The following SOX5 variants were observed in gnomAD, a reference collection of about 807,000 sequenced individuals.
SOX5 encodes the protein transcription factor SOX-5.
In SOX5, 9 loss-of-function variants were observed where a neutral mutation model predicts 92.0. The observed-to-expected ratio is 0.10, with a 90% CI of 0.06 to 0.17. The LOEUF (loss-of-function observed/expected upper bound fraction) is 0.17. Ranked by LOEUF, SOX5 falls within the 10% of genes least tolerant of loss-of-function variation. SOX5 has a pLI of 1.00. For missense variants in SOX5, 642 were observed against 944.5 expected (o/e 0.68, Z 4.20); for synonymous variants, 344 against 336.3 (o/e 1.02, Z -0.25).
At chr12:24,035,520 T>A (rs1023435069) in intron 4 of SOX5, among the ~76,000 whole-genome samples, 1 of 152,030 alleles carries the variant, frequency 6.6e-6, no homozygotes, top group South Asian at 2.1e-4. Flanking sequence ...AGAAACAACA[T>A]AGAAGAAAGC....
At chr12:23,860,976 A>AAAAAAAAAAAAAAAAG (rs2096750870) in intron 2 of SOX5, among the ~76,000 whole-genome samples, 1 of 150,318 alleles carries the variant, frequency 6.7e-6, no homozygotes, top group Non-Finnish European at 1.5e-5. Flanking sequence ...AAAAAAAAAA[A>AAAAAAAAAAAAAAAAG]AACCCTGCCA....
intron 8 of SOX5, among the ~76,000 whole-genome samples, chr12:23,622,741 C>T (rs973946323): frequency 1.3e-4 from 20 of 152,080 alleles, no homozygotes; most frequent in African/African-American, 4.8e-4. Context: ...AAATACTATG[C>T]TATACCATCA....
At chr12:23,810,241 T>A (rs977799090) in intron 3 of SOX5, among the ~76,000 whole-genome samples, 3 of 152,126 alleles carry the variant, frequency 2.0e-5, no homozygotes, top group African/African-American at 7.2e-5. Context: ...CACGACAGAA[T>A]ATAGATAAGT....
At chr12:23,885,195 A>G (rs1595369742) in intron 2 of SOX5, among the ~76,000 whole-genome samples, 1 of 152,158 alleles carries the variant, frequency 6.6e-6, no homozygotes, top group South Asian at 2.1e-4. Context: ...GTGGCTGGAG[A>G]GGTGGTTTCA....
chr12:24,058,379 A>C (rs1212625512), intron 4 of SOX5, among the ~76,000 whole-genome samples: 1 of 152,230 alleles, frequency 6.6e-6, no homozygotes, highest in Admixed American at 6.5e-5. Flanking sequence ...GTTTTCTGAA[A>C]CCCTGGACAC....
At chr12:24,421,541 C>T (rs140774638) in intron 1 of SOX5, among the ~76,000 whole-genome samples, 2 of 152,124 alleles carry the variant, frequency 1.3e-5, no homozygotes, top group African/African-American at 2.4e-5. Flanking sequence ...CTTTCTTTAC[C>T]TGATCAGTAC....
chr12:24,138,202 G>A (rs1048210488), intron 4 of SOX5, among the ~76,000 whole-genome samples: 7 of 152,194 alleles, frequency 4.6e-5, no homozygotes, highest in African/African-American at 1.2e-4. Context: ...CTCAGAGAAC[G>A]GAGGCGTATC....
At chr12:23,961,458 C>A (rs1237036647) in intron 4 of SOX5, among the ~76,000 whole-genome samples, 1 of 152,160 alleles carries the variant, frequency 6.6e-6, no homozygotes, top group Non-Finnish European at 1.5e-5. Flanking sequence ...TAGTTGCTGG[C>A]ACACAGCCTG....
intron 1 of SOX5, among the ~76,000 whole-genome samples, chr12:23,923,728 T>A (rs752004344): frequency 1.3e-5 from 2 of 152,180 alleles, no homozygotes; most frequent in Non-Finnish European, 2.9e-5. Flanking sequence ...ATGTTTTATA[T>A]CCTGTATCTG....
At chr12:23,670,475 G>A (rs564603780) in intron 6 of SOX5, among the ~76,000 whole-genome samples, 5 of 152,204 alleles carry the variant, frequency 3.3e-5, no homozygotes, top group Non-Finnish European at 7.4e-5. Context: ...AAATAGAAAT[G>A]GAGAGTTTCA....
Position 24,496,996 on chromosome 12 carries a change from G to C in SOX5, c.-251+65333C>G, listed in dbSNP as rs191903261. 7.9e-5 allele frequency among the ~76,000 whole-genome samples: 12 copies of C among 152,324 alleles called. 1 individual carries two copies. The highest frequency in any genetic ancestry group is 2.9e-4 in the African/African-American group (12 of 41,572). On this transcript the variant is annotated intron_variant, in intron 1 of 4. Coordinates refer to the SOX5 transcript ENST00000446891. ...CAGAGCTGTCCTAGACTTTGTACAGGAGGAATTTGTTAGAAAATGATCTCA... is the reference window on the plus strand; with the variant it reads ...CAGAGCTGTCCTAGACTTTGTACAGCAGGAATTTGTTAGAAAATGATCTCA...
At chr12:23,948,175 C>T (rs1220522496) in intron 1 of SOX5, among the ~76,000 whole-genome samples, 1 of 150,826 alleles carries the variant, frequency 6.6e-6, no homozygotes, top group Non-Finnish European at 1.5e-5. Flanking sequence ...GTTAAGAAAG[C>T]TCAAACATTC....
At chr12:23,713,863 G>A (rs372207239) in intron 6 of SOX5, among the ~76,000 whole-genome samples, 2 of 151,188 alleles carry the variant, frequency 1.3e-5, no homozygotes, top group East Asian at 1.9e-4. Flanking sequence ...AGGCCAAAGC[G>A]GGTGGATCAC....
chr12:24,336,244 G>A (rs1271052135), intron 2 of SOX5, among the ~76,000 whole-genome samples: 2 of 151,458 alleles, frequency 1.3e-5, no homozygotes, highest in East Asian at 1.9e-4. Flanking sequence ...ACAGGCGCCC[G>A]CCACCACGCC....
chr12:24,463,602 G>C (rs1257997338), intron 1 of SOX5, among the ~76,000 whole-genome samples: 1 of 152,196 alleles, frequency 6.6e-6, no homozygotes, highest in African/African-American at 2.4e-5. Flanking sequence ...ATTTGAAAAG[G>C]GGGTGAGCTT....
At chr12:24,116,712 T>C (rs1170119437) in intron 4 of SOX5, among the ~76,000 whole-genome samples, 1 of 152,106 alleles carries the variant, frequency 6.6e-6, no homozygotes, top group Non-Finnish European at 1.5e-5. Flanking sequence ...AAGAAATCAT[T>C]ATAAGAAATG....
intron 3 of SOX5, among the ~76,000 whole-genome samples, chr12:23,808,822 C>G (rs2142357424): frequency 6.6e-6 from 1 of 152,184 alleles, no homozygotes; most frequent in East Asian, 1.9e-4. Flanking sequence ...CTTACATATT[C>G]TAGCACATAT....
intron 1 of SOX5, among the ~76,000 whole-genome samples, chr12:24,494,206 A>T (rs1000215812): frequency 6.6e-6 from 1 of 152,200 alleles, no homozygotes; most frequent in Non-Finnish European, 1.5e-5. Flanking sequence ...CGTTCCCCCT[A>T]CAGCAGACAG....
intron 4 of SOX5, among the ~76,000 whole-genome samples, chr12:24,209,905 C>A (rs879793683): frequency 2.0e-4 from 30 of 147,082 alleles, no homozygotes; most frequent in Non-Finnish European, 3.1e-4. Flanking sequence ...GTAGTCCCAG[C>A]TACTTGGGAG....
Sources: gnomAD v4.1 joint callset for allele counts (sites outside exome capture counted in the v4.1 genomes callset) on GRCh38, gnomAD v4.1.1 for gene constraint, MANE v1.5 for transcripts, NCBI Gene and HGNC (gene_info 2026-07-23, HGNC 2026-07-21) for gene names.